Variants in SUGCT observed in about 807,000 individuals in gnomAD.
SUGCT encodes the protein succinyl-CoA:glutarate CoA-transferase.
A neutral mutation model predicts 55.0 loss-of-function variants in SUGCT; 41 were observed. That is an observed-to-expected ratio of 0.74 (90% CI 0.58 to 0.97). SUGCT has a LOEUF of 0.97. SUGCT is among the 50% of genes least tolerant of loss of function. The pLI is 0.00. For synonymous variants in SUGCT, 187 were observed against 200.4 expected, an observed-to-expected ratio of 0.93 and a Z score of 0.56; for missense variants, 568 against 547.8, an observed-to-expected ratio of 1.04 and a Z score of -0.37.
At chr7:40,665,247 T>A (rs1187366040) in intron 12 of SUGCT, among the ~76,000 whole-genome samples, 1 of 151,582 alleles carries the variant, frequency 6.6e-6, no homozygotes, top group Non-Finnish European at 1.5e-5. Context: ...GAGACCAGCC[T>A]GGCTAACATG....
the SUGCT span, among the ~76,000 whole-genome samples, chr7:40,911,239 C>A: frequency 6.6e-6 from 1 of 151,998 alleles, no homozygotes; most frequent in Non-Finnish European, 1.5e-5. Flanking sequence ...AGCAAAGAAA[C>A]AGTACAAGCC....
intron 12 of SUGCT, among the ~76,000 whole-genome samples, chr7:40,575,559 G>T (rs910494791): frequency 6.6e-6 from 1 of 151,422 alleles, no homozygotes. Flanking sequence ...AATCTCAGAA[G>T]TCCTATTGGT....
At chr7:40,606,124 A>G (rs1451964416) in intron 12 of SUGCT, among the ~76,000 whole-genome samples, 2 of 152,232 alleles carry the variant, frequency 1.3e-5, no homozygotes, top group South Asian at 2.1e-4. Context: ...CAAAAATAGC[A>G]ACAGGAAGCT....
chr7:40,850,359 G>A (rs1793789406), intron 13 of SUGCT, among the ~76,000 whole-genome samples: 2 of 152,284 alleles, frequency 1.3e-5, no homozygotes, highest in South Asian at 2.1e-4. Flanking sequence ...AGGGCCATCT[G>A]GGGTTATCAT....
intron 9 of SUGCT, among the ~76,000 whole-genome samples, chr7:40,406,061 AGGGTTTTTCGAAGG>A (rs1338950057): frequency 2.0e-5 from 3 of 152,046 alleles, no homozygotes. Flanking sequence ...TTTGGAGCAT[AGGGTTTTTCGAAGG>A]TAGTTTGATA....
intron 9 of SUGCT, among the ~76,000 whole-genome samples, chr7:40,396,412 AAAGAGCTTGACT>A (rs1785734306): frequency 2.0e-5 from 3 of 152,204 alleles, no homozygotes. Flanking sequence ...TGTGTGTTTA[AAAGAGCTTGACT>A]AAGACTGTGC....
the SUGCT span, among the ~76,000 whole-genome samples, chr7:40,957,320 A>G: frequency 6.6e-6 from 1 of 152,022 alleles, no homozygotes; most frequent in African/African-American, 2.4e-5. Flanking sequence ...GTGCATATAT[A>G]TATTTAGGAT....
intron 7 of SUGCT, among the ~76,000 whole-genome samples, chr7:40,256,514 A>C (rs1790820889): frequency 6.6e-6 from 1 of 152,190 alleles, no homozygotes; most frequent in Non-Finnish European, 1.5e-5. Context: ...AAAATGCTTA[A>C]AAATTTTCTC....
At chr7:40,434,057 G>C (rs112988213) in intron 9 of SUGCT, among the ~76,000 whole-genome samples, 2 of 152,140 alleles carry the variant, frequency 1.3e-5, no homozygotes. Context: ...TCTTCACCTT[G>C]TGACCTACTA....
intron 5 of SUGCT, among the ~76,000 whole-genome samples, chr7:40,190,807 G>A (rs1785851908): frequency 6.6e-6 from 1 of 152,104 alleles, no homozygotes; most frequent in Non-Finnish European, 1.5e-5. Context: ...ACCAAAATCT[G>A]TGCATACTCA....
chr7:40,626,693 A>G (rs768354792), intron 12 of SUGCT, among the ~76,000 whole-genome samples: 29 of 152,262 alleles, frequency 1.9e-4, no homozygotes, highest in Non-Finnish European at 3.4e-4. Context: ...CTTATGGGGA[A>G]TGGGTTCTTG....
chr7:40,464,898 G>T (rs1044725726), intron 11 of SUGCT, among the ~76,000 whole-genome samples: 36 of 152,298 alleles, frequency 2.4e-4, no homozygotes, highest in South Asian at 1.5e-3. Context: ...ACAATTTAAT[G>T]ATAGTTTTAT....
chr7:40,230,366 C>A (rs376119721), intron 6 of SUGCT, among the ~76,000 whole-genome samples: 2 of 152,306 alleles, frequency 1.3e-5, no homozygotes, highest in South Asian at 2.1e-4. Flanking sequence ...AGGTCACAAA[C>A]AATTCAGTAT....
At chr7:40,472,302 G>A (rs1790442305) in intron 11 of SUGCT, among the ~76,000 whole-genome samples, 2 of 152,066 alleles carry the variant, frequency 1.3e-5, no homozygotes, top group African/African-American at 4.8e-5. Context: ...TGGCATTAGA[G>A]AAACAAATAA....
At chr7:40,853,622 C>G (rs1460188402) in intron 13 of SUGCT, among the ~76,000 whole-genome samples, 1 of 152,164 alleles carries the variant, frequency 6.6e-6, no homozygotes, top group African/African-American at 2.4e-5. Flanking sequence ...CCCTTGGCTT[C>G]CTAAAGTGCT....
chr7:40,763,969 A>G (rs374890355), intron 13 of SUGCT, among the ~76,000 whole-genome samples: 16 of 152,262 alleles, frequency 1.1e-4, no homozygotes, highest in African/African-American at 3.4e-4. Context: ...CAAAGCCACC[A>G]GCTGTTGCAA....
chr7:40,719,171 G>C (rs939743866), intron 12 of SUGCT, among the ~76,000 whole-genome samples: 1 of 152,170 alleles, frequency 6.6e-6, no homozygotes, highest in Non-Finnish European at 1.5e-5. Context: ...ATCCTTCAGG[G>C]CATTGACTGT....
the SUGCT span, among the ~76,000 whole-genome samples, chr7:40,908,859 A>T: frequency 6.6e-6 from 1 of 152,300 alleles, no homozygotes; most frequent in South Asian, 2.1e-4. Flanking sequence ...TTACAAAGTA[A>T]TATGGATTTT....
rs1321827867 is a variant in SUGCT, at chr7:40,449,364, C to G, written c.888+6C>G. 2 of 1,602,514 alleles carry G rather than the reference C, an allele frequency of 1.2e-6. No homozygotes were observed. Among genetic ancestry groups the G allele is most frequent in the Admixed American group, 1.7e-5 (1 of 59,614 alleles). On this transcript the variant is annotated splice_donor_region_variant and intron_variant, in intron 10 of 13. Coordinates refer to ENST00000335693, the MANE Select transcript of SUGCT (RefSeq NM_001193313.2). ...AGTTTGCCACCGTCTGCAAGGTAAT[C>G]TATAATTATTGGGATTGGTCGATGA... is the stretch of plus-strand genomic sequence containing the variant.
Sources: gnomAD v4.1 joint callset for allele counts (sites outside exome capture counted in the v4.1 genomes callset) on GRCh38, gnomAD v4.1.1 for gene constraint, MANE v1.5 for transcripts, NCBI Gene and HGNC (gene_info 2026-07-23, HGNC 2026-07-21) for gene names.